The following UGT2A3 variants were observed in gnomAD, a reference collection of about 807,000 sequenced individuals.
UGT2A3 encodes the protein UDP glucuronosyltransferase family 2 member A3, also known as UDP-glucuronosyltransferase 2A3.
UGT2A3 carries 55 observed loss-of-function variants against 44.1 expected under a neutral mutation model. The ratio of observed to expected loss-of-function variants is 1.25; its 90% confidence interval spans 1.00 to 1.56. UGT2A3 has a LOEUF of 1.56. Ranked by LOEUF, UGT2A3 falls within the 40% of genes most tolerant of loss-of-function variation. The pLI, the probability that UGT2A3 is intolerant of heterozygous loss-of-function variation, is 0.00. For synonymous variants in UGT2A3, 243 were observed against 215.1 expected, an observed-to-expected ratio of 1.13 and a Z score of -1.13; for missense variants, 733 against 621.6, an observed-to-expected ratio of 1.18 and a Z score of -1.91.
intron 1 of UGT2A3, among the ~76,000 whole-genome samples, chr4:68,948,001 T>C (rs527362273): frequency 2.6e-5 from 4 of 152,000 alleles, no homozygotes; most frequent in East Asian, 3.9e-4. Context: ...AAATGGGCAT[T>C]GGCTTTACCT....
chr4:68,943,223 G>T lies in UGT2A3; in HGVS notation c.864+2083C>A. The T allele has an allele frequency of 3.1e-5, 19 of 618,314 alleles. 1 individual carries two copies. The South Asian group carries it at 3.3e-4, about 11-fold the overall frequency. The allele number at this position is 618,314 out of a possible 1,614,324, so 38.3% of individuals were successfully genotyped here. On this transcript the variant is annotated intron_variant, in intron 2 of 5. Transcript: ENST00000251566. The stretch of plus-strand genomic sequence containing the variant: ...AGTGTGTGTTTGTGTGTGTGTGTTT[G>T]TGTGTGTGTGTAAAACTGGGAGTGT...
chr4:68,939,609 G>A (rs1718108551), intron 2 of UGT2A3, among the ~76,000 whole-genome samples: 1 of 152,088 alleles, frequency 6.6e-6, no homozygotes, highest in African/African-American at 2.4e-5. Flanking sequence ...AGAAAACCTA[G>A]GCTATACCAC....
chr4:68,932,730 C>G lies in UGT2A3; in HGVS notation c.894G>C (p.Gly298=), dbSNP rs369069426. Residue 298 remains glycine, a synonymous_variant, in exon 3 of 6, where the codon GGG becomes GGC. Transcript: ENST00000251566. ...GAGAAAACACCACAATACCATCTTC[C>G]CCTGAACTCTGGACAAAATTTTCCA... ...KEMENFVQSS[G]EDGIVVFSLG... 1.7e-5 allele frequency: 27 copies of G among 1,609,192 alleles called. No homozygotes were observed. The highest frequency in any genetic ancestry group is 2.3e-5 in the Non-Finnish European group (27 of 1,177,348).
chr4:68,932,713 A>G lies in UGT2A3; in HGVS notation c.911T>C (p.Val304Ala), dbSNP rs1399731934. 4 of 1,611,846 alleles carry G rather than the reference A, an allele frequency of 2.5e-6. No individual in the cohort carries two copies. Among genetic ancestry groups the G allele is most frequent in the Non-Finnish European group, 3.4e-6 (4 of 1,178,694 alleles). The change falls in exon 3 of 6, where the codon GTG becomes GCG. Residue 304 changes from valine (V) to alanine (A), a missense_variant. Val to Ala is a moderately conservative substitution (Grantham distance 64). Coordinates refer to ENST00000251566, the MANE Select transcript of UGT2A3 (RefSeq NM_024743.4). Reference sequence around the variant, plus strand: ...TTGAAACAGTGACCCCAGAGAAAACACCACAATACCATCTTCCCCTGAACT... The same window carrying G: ...TTGAAACAGTGACCCCAGAGAAAACGCCACAATACCATCTTCCCCTGAACT... The part of the protein sequence containing the change: ...VQSSGEDGIV[V>A]FSLGSLFQNV...
intron 2 of UGT2A3, among the ~76,000 whole-genome samples, chr4:68,934,700 A>G (rs990418195): frequency 1.4e-4 from 21 of 151,914 alleles, no homozygotes; most frequent in Non-Finnish European, 1.6e-4. Flanking sequence ...CCATCTCTAC[A>G]AAATTTGAAA....
chr4:68,942,828 T>A (rs77808707), intron 2 of UGT2A3, among the ~76,000 whole-genome samples: 19,890 of 151,556 alleles, frequency 0.13, 1,660 homozygotes, highest in East Asian at 0.34. Flanking sequence ...ATATGTTCTG[T>A]TATTATATTA....
intron 2 of UGT2A3, among the ~76,000 whole-genome samples, chr4:68,942,112 G>A (rs1718208426): frequency 6.6e-6 from 1 of 151,642 alleles, no homozygotes; most frequent in Non-Finnish European, 1.5e-5. Context: ...ATATTATACA[G>A]CATTTCCATT....
intron 4 of UGT2A3, 102 bp from the exon 5 acceptor site, chr4:68,930,867 G>A (rs560555629): frequency 5.8e-5 from 59 of 1,018,536 alleles, no homozygotes; most frequent in Admixed American, 2.7e-4. Flanking sequence ...TCACTGAAGC[G>A]TACAGCACTT....
chr4:68,946,640 A>G lies in UGT2A3; in HGVS notation c.716-1186T>C, dbSNP rs559935820. On this transcript the variant is annotated intron_variant, in intron 1 of 5. Transcript: ENST00000251566. ...ACAATTGGAGTCATTCAATGTTTAA[A>G]GGATAAATACACAGTAACAAGGATA... 1.3e-4 allele frequency among the ~76,000 whole-genome samples: 20 copies of G among 151,872 alleles called. No individual in the cohort carries two copies. In the South Asian group the frequency reaches 4.1e-3, roughly 31 times the overall value.
Position 68,951,153 on chromosome 4 carries a change from A to G in UGT2A3, c.608T>C (p.Met203Thr), listed in dbSNP as rs373818808. The G allele has an allele frequency of 6.2e-7, 1 of 1,611,962 alleles. No individual in the cohort carries two copies. The highest frequency in any genetic ancestry group is 1.1e-5 in the South Asian group (1 of 90,968). ...PVPMTGLTDR[M>T]TFLERVKNSM... is the part of the protein sequence containing the mutation. ...ATTTTTTACTCTTTCCAGAAAGGTC[A>G]TTCTGTCTGTTAGTCCTGTCATAGG... The change falls in exon 1 of 6, where the codon ATG (methionine) becomes ACG (threonine). Residue 203 changes from methionine (M) to threonine (T), a missense_variant. Coordinates refer to ENST00000251566, the MANE Select transcript of UGT2A3 (RefSeq NM_024743.4).
chr4:68,931,874 C>T (rs1343958364), intron 3 of UGT2A3, among the ~76,000 whole-genome samples: 1 of 151,776 alleles, frequency 6.6e-6, no homozygotes, highest in Non-Finnish European at 1.5e-5. Context: ...CATTTGAAAA[C>T]AAAGAACGGC....
intron 2 of UGT2A3, among the ~76,000 whole-genome samples, chr4:68,935,890 C>A (rs192522304): frequency 2.0e-5 from 3 of 152,140 alleles, no homozygotes; most frequent in Non-Finnish European, 1.5e-5. Flanking sequence ...AGCTGAAAAC[C>A]ATAGCATGAG....
chr4:68,937,649 G>T (rs1299045905), intron 2 of UGT2A3, among the ~76,000 whole-genome samples: 1 of 152,040 alleles, frequency 6.6e-6, no homozygotes, highest in East Asian at 1.9e-4. Context: ...ACAATTAATA[G>T]AACCAGAGAA....
In UGT2A3 at chr4:68,945,450, C is replaced by T. The variant is rs771641604; in HGVS notation, c.720G>A (p.Arg240=). 11 of 1,595,900 alleles carry T rather than the reference C, an allele frequency of 6.9e-6. No individual in the cohort carries two copies. The highest frequency in any genetic ancestry group is 1.4e-5 in the African/African-American group (1 of 73,938). ...CCACAGTCTCACATAATGTAGTGGG[C>T]CTTCCTCAATAAAAGAAATAACAGA... ...WEEFYSKALG[R]PTTLCETVGK... is the part of the protein sequence containing the mutation. The change falls in exon 2 of 6, where the codon AGG becomes AGA. Residue 240 remains arginine, a synonymous_variant. Coordinates refer to ENST00000251566, the MANE Select transcript of UGT2A3 (RefSeq NM_024743.4).
chr4:68,940,442 A>T (rs1031195485), intron 2 of UGT2A3, among the ~76,000 whole-genome samples: 6 of 151,992 alleles, frequency 3.9e-5, no homozygotes, highest in African/African-American at 1.4e-4. Flanking sequence ...GCAAACTATC[A>T]CAAGGATAGA....
intron 2 of UGT2A3, among the ~76,000 whole-genome samples, chr4:68,942,391 T>C (rs1471649652): frequency 6.7e-6 from 1 of 149,510 alleles, no homozygotes; most frequent in Non-Finnish European, 1.5e-5. Context: ...TGTTTATATG[T>C]ATAGATATAT....
Position 68,949,535 on chromosome 4 carries a change from G to A in UGT2A3, c.715+1511C>T, listed in dbSNP as rs144317408. Among the ~76,000 whole-genome samples, 519 of 151,996 alleles carry A rather than the reference G, an allele frequency of 3.4e-3. 5 individuals carry two copies. Among genetic ancestry groups the A allele is most frequent in the African/African-American group, 0.012 (496 of 41,520 alleles). ...ATATAACAATGAAAAATTTGAAAAAGCATGATAAATGCCAATATGTGATAG... is the reference window on the plus strand; with the variant it reads ...ATATAACAATGAAAAATTTGAAAAAACATGATAAATGCCAATATGTGATAG... On this transcript the variant is annotated intron_variant, in intron 1 of 5. Coordinates refer to ENST00000251566, the MANE Select transcript of UGT2A3 (RefSeq NM_024743.4).
In UGT2A3 at chr4:68,929,563, C is replaced by CCT. The variant is rs1717640158; in HGVS notation, c.*249_*250insAG. The CCT allele has an allele frequency of 5.9e-6, 2 of 340,152 alleles. No homozygotes were observed. The highest frequency in any genetic ancestry group is 1.1e-5 in the Non-Finnish European group (2 of 186,206). The allele number at this position is 340,152 out of a possible 1,614,324, so 21.1% of individuals were successfully genotyped here. ...AATGACATCATCAAAACAGTCATAT[C>CCT]AGAAATAGGAAAATTTAGATGTATT... is the stretch of plus-strand genomic sequence containing the variant. On this transcript the variant is annotated 3_prime_UTR_variant, in exon 6 of 6. Coordinates refer to ENST00000251566, the MANE Select transcript of UGT2A3 (RefSeq NM_024743.4).
chr4:68,932,437 CA>C (rs1717770201), intron 3 of UGT2A3, among the ~76,000 whole-genome samples, 190 bp downstream of exon 3: 1 of 151,850 alleles, frequency 6.6e-6, no homozygotes, highest in Non-Finnish European at 1.5e-5. Flanking sequence ...AAATGACAAT[CA>C]AGAAAGTTGT....
Sources: gnomAD v4.1 joint callset for allele counts (sites outside exome capture counted in the v4.1 genomes callset) on GRCh38, gnomAD v4.1.1 for gene constraint, MANE v1.5 for transcripts, NCBI Gene and HGNC (gene_info 2026-07-23, HGNC 2026-07-21) for gene names.